PPFIA1: variants seen among roughly 807,000 people sequenced by gnomAD.
PPFIA1 encodes liprin-alpha-1.
A neutral mutation model predicts 149.9 loss-of-function variants in PPFIA1; 25 were observed. The observed-to-expected ratio is 0.17, with a 90% confidence interval of 0.12 to 0.23. The LOEUF (loss-of-function observed/expected upper bound fraction) is 0.23, where lower values mean the gene tolerates loss of function less well. Ranked by LOEUF, PPFIA1 falls within the 10% of genes least tolerant of loss-of-function variation. The pLI is 1.00. For missense variants in PPFIA1, 1,362 were observed against 1,506.5 expected, an observed-to-expected ratio of 0.90 and a Z score of 1.59; for synonymous variants, 549 against 552.8, an observed-to-expected ratio of 0.99 and a Z score of 0.10.
intron 2 of PPFIA1, among the ~76,000 whole-genome samples, chr11:70,296,965 C>T (rs1835670084): frequency 6.6e-6 from 1 of 152,144 alleles, no homozygotes; most frequent in Admixed American, 6.6e-5. Context: ...ATTCATGACG[C>T]TCTCAGAAGA....
chr11:70,335,107 C>G (rs2054889936), intron 10 of PPFIA1, among the ~76,000 whole-genome samples: 1 of 152,120 alleles, frequency 6.6e-6, no homozygotes, highest in South Asian at 2.1e-4. Context: ...ATATGAAGGT[C>G]TCTCTAGCAC....
At chr11:70,380,250 G>A (rs2057654959) in intron 26 of PPFIA1, among the ~76,000 whole-genome samples, 1 of 149,558 alleles carries the variant, frequency 6.7e-6, no homozygotes, top group Admixed American at 6.7e-5. Context: ...GGCCAACGTG[G>A]TGAAACCCTG....
At chr11:70,292,158 A>AT (rs769737768) in intron 2 of PPFIA1, among the ~76,000 whole-genome samples, 7 of 151,720 alleles carry the variant, frequency 4.6e-5, no homozygotes, top group South Asian at 2.1e-4. Context: ...TAATTTTTGT[A>AT]TTTTTTTGTA....
At chr11:70,324,258 C>T in intron 2 of PPFIA1, 144 bp from the exon 3 acceptor site, 1 of 570,882 alleles carries the variant, frequency 1.8e-6, no homozygotes. Context: ...TCCATTGATG[C>T]CCTCTTTCTC....
intron 16 of PPFIA1, among the ~76,000 whole-genome samples, chr11:70,352,267 GATA>G (rs2056095978): frequency 6.6e-6 from 1 of 152,200 alleles, no homozygotes; most frequent in East Asian, 1.9e-4. Flanking sequence ...GAGAAGTGAA[GATA>G]ATGATAGAAC....
chr11:70,294,981 G>A (rs1008437995), intron 2 of PPFIA1, among the ~76,000 whole-genome samples: 84 of 152,112 alleles, frequency 5.5e-4, no homozygotes, highest in Non-Finnish European at 1.1e-3. Context: ...GCAACCATCC[G>A]ATTTCTCAAT....
intron 2 of PPFIA1, among the ~76,000 whole-genome samples, chr11:70,297,211 C>G (rs757604115): frequency 2.6e-5 from 4 of 152,068 alleles, no homozygotes; most frequent in Non-Finnish European, 4.4e-5. Context: ...GAGTTCGAGA[C>G]CAGCCTGAGC....
At chr11:70,374,631 C>G (rs901255964) in intron 23 of PPFIA1, 1 of 340,758 alleles carries the variant, frequency 2.9e-6, no homozygotes, top group Admixed American at 5.1e-5. Context: ...CTTCTGATCC[C>G]TGGATCCTCA....
intron 14 of PPFIA1, chr11:70,341,904 G>A (rs932260793): frequency 6.5e-6 from 1 of 152,868 alleles, no homozygotes; most frequent in Non-Finnish European, 1.5e-5. Flanking sequence ...GACAGCTGGT[G>A]GCCTTAGTAA....
chr11:70,324,543 C>A, intron 3 of PPFIA1, 40 bp downstream of exon 3: 1 of 1,505,418 alleles, frequency 6.6e-7, no homozygotes, highest in Non-Finnish European at 9.2e-7. Flanking sequence ...CCCCTGGAGC[C>A]ACTGTCAGGA....
At chr11:70,339,452 C>G in intron 14 of PPFIA1, 146 bp downstream of exon 14, 1 of 1,041,524 alleles carries the variant, frequency 9.6e-7, no homozygotes, top group Admixed American at 3.0e-5. Context: ...AAGAGTTTAG[C>G]TTTTAGAGCA....
chr11:70,337,328 T>C, intron 11 of PPFIA1, 37 bp from the exon 12 acceptor site: 1 of 1,448,560 alleles, frequency 6.9e-7, no homozygotes, highest in Non-Finnish European at 9.4e-7. Flanking sequence ...ATGGGACATT[T>C]TAAAGAAACA....
chr11:70,373,805 G>A, intron 23 of PPFIA1: 1 of 152,182 alleles, frequency 6.6e-6, no homozygotes, highest in East Asian at 1.9e-4. Flanking sequence ...CAGTTGAAGG[G>A]AAGTCTACTT....
At chr11:70,343,528 T>C (rs1432734439) in intron 14 of PPFIA1, 141 bp from the exon 15 acceptor site, 2 of 721,376 alleles carry the variant, frequency 2.8e-6, no homozygotes, top group Admixed American at 2.3e-5. Context: ...GCCTGCTTCA[T>C]GTCAGTACCT....
chr11:70,329,865 C>T, intron 7 of PPFIA1: 1 of 261,692 alleles, frequency 3.8e-6, no homozygotes, highest in South Asian at 6.8e-5. Flanking sequence ...GAAGTCAAGG[C>T]TGTGGTGAGC....
At chr11:70,331,633 A>G (rs1391255228) in intron 8 of PPFIA1, among the ~76,000 whole-genome samples, 1 of 152,050 alleles carries the variant, frequency 6.6e-6, no homozygotes, top group East Asian at 1.9e-4. Context: ...TACAAAAATT[A>G]GCCAGACCTG....
chr11:70,296,055 C>A (rs1463124590), intron 2 of PPFIA1, among the ~76,000 whole-genome samples: 1 of 151,098 alleles, frequency 6.6e-6, no homozygotes, highest in African/African-American at 2.4e-5. Flanking sequence ...GGCGTCGGGG[C>A]AAAGGCACTC....
chr11:70,274,842 C>G (rs976030349), intron 2 of PPFIA1, among the ~76,000 whole-genome samples: 11 of 152,144 alleles, frequency 7.2e-5, no homozygotes, highest in African/African-American at 2.7e-4. Flanking sequence ...CCTCAGCCTC[C>G]CAAGTAGCTG....
intron 2 of PPFIA1, among the ~76,000 whole-genome samples, chr11:70,278,130 C>CT (rs1481951195): frequency 2.0e-5 from 3 of 151,858 alleles, no homozygotes; most frequent in Non-Finnish European, 2.9e-5. Flanking sequence ...AGGATGGTCT[C>CT]TATCTGTTGA....
Sources: allele counts gnomAD v4.1 joint callset (sites outside exome capture counted in the v4.1 genomes callset), GRCh38; gene constraint gnomAD v4.1.1; transcripts MANE v1.5; gene names NCBI Gene and HGNC (gene_info 2026-07-23, HGNC 2026-07-21).